PDGFC: variants seen among roughly 807,000 people sequenced by gnomAD.
PDGFC encodes the protein platelet derived growth factor C.
Under a neutral mutation model 35.5 loss-of-function variants are expected in PDGFC, and 12 were observed. That is an observed-to-expected ratio of 0.34 (90% confidence interval 0.22 to 0.55). The LOEUF (loss-of-function observed/expected upper bound fraction) is 0.55, where lower values mean the gene tolerates loss of function less well. Among genes scored for constraint, PDGFC ranks in the 20% least tolerant of loss-of-function variants. PDGFC has a pLI of 0.91. For missense variants in PDGFC, 322 were observed against 412.4 expected (o/e 0.78, Z 1.90); for synonymous variants, 159 against 148.8 (o/e 1.07, Z -0.50).
chr4:156,863,925 T>C (rs1729775003), intron 1 of PDGFC, among the ~76,000 whole-genome samples: 1 of 152,156 alleles, frequency 6.6e-6, no homozygotes, highest in Non-Finnish European at 1.5e-5. Flanking sequence ...GATTACTTAG[T>C]TTTTAAAGTA....
At chr4:156,958,719 T>A (rs1272728164) in intron 1 of PDGFC, among the ~76,000 whole-genome samples, 1 of 152,092 alleles carries the variant, frequency 6.6e-6, no homozygotes, top group Non-Finnish European at 1.5e-5. Context: ...TTTTTATACA[T>A]CCACCCACCC....
At chr4:156,832,739 G>A (rs967511256) in intron 2 of PDGFC, among the ~76,000 whole-genome samples, 1 of 152,198 alleles carries the variant, frequency 6.6e-6, no homozygotes, top group Non-Finnish European at 1.5e-5. Context: ...AACTTGCAAA[G>A]TACAGTATTT....
rs1012102090 is a variant in PDGFC, at chr4:156,762,383, G to A, written c.*707C>T. The A allele has an allele frequency of 1.3e-5, 2 of 152,514 alleles. No homozygotes were observed. Among genetic ancestry groups the A allele is most frequent in the African/African-American group, 4.8e-5 (2 of 41,414 alleles). 9.4% of individuals were successfully genotyped at this position (152,514 alleles called of 1,614,324 possible). A position where few individuals can be genotyped will look rare whatever the true frequency, so the allele number is the denominator to read the frequency against. On this transcript the variant is annotated 3_prime_UTR_variant, in exon 6 of 6. Transcript: ENST00000502773. Reference sequence around the variant, plus strand: ...AGGAGAATATAAAAATGTACACAATGAAACAAATAAACTGACTTATCGATA... The same window carrying A: ...AGGAGAATATAAAAATGTACACAATAAAACAAATAAACTGACTTATCGATA...
chr4:156,932,714 G>A (rs1731580634), intron 1 of PDGFC, among the ~76,000 whole-genome samples: 1 of 140,320 alleles, frequency 7.1e-6, no homozygotes, highest in Admixed American at 7.6e-5. Flanking sequence ...CACGGACACA[G>A]GAAGGGGAAC....
At chr4:156,783,985 A>T (rs1008264967) in intron 3 of PDGFC, among the ~76,000 whole-genome samples, 11 of 152,178 alleles carry the variant, frequency 7.2e-5, no homozygotes, top group Non-Finnish European at 4.4e-5. Flanking sequence ...CAGTGACATA[A>T]CTATGTAATA....
intron 1 of PDGFC, among the ~76,000 whole-genome samples, chr4:156,957,690 T>C (rs1732244976): frequency 6.6e-6 from 1 of 152,018 alleles, no homozygotes; most frequent in African/African-American, 2.4e-5. Flanking sequence ...GCTGCCTGCA[T>C]AGCTGGGATG....
At chr4:156,834,454 T>C (rs1299429660) in intron 2 of PDGFC, among the ~76,000 whole-genome samples, 1 of 152,126 alleles carries the variant, frequency 6.6e-6, no homozygotes. Flanking sequence ...AGCAATAAAT[T>C]ATGACTGGTT....
chr4:156,952,677 T>C (rs141438122), intron 1 of PDGFC, among the ~76,000 whole-genome samples: 6 of 152,010 alleles, frequency 3.9e-5, no homozygotes, highest in Admixed American at 6.6e-5. Flanking sequence ...ATTTAACAAA[T>C]TGATCTACTA....
chr4:156,933,201 G>A (rs1731594940), intron 1 of PDGFC, among the ~76,000 whole-genome samples: 1 of 152,192 alleles, frequency 6.6e-6, no homozygotes, highest in Non-Finnish European at 1.5e-5. Context: ...TTAGCTGTAT[G>A]TTCTTGTCAT....
At chr4:156,928,593 G>A (rs1265712395) in intron 1 of PDGFC, among the ~76,000 whole-genome samples, 6 of 152,112 alleles carry the variant, frequency 3.9e-5, no homozygotes, top group Admixed American at 1.3e-4. Flanking sequence ...GGAGGAGACT[G>A]GAAGATGCAT....
intron 1 of PDGFC, among the ~76,000 whole-genome samples, chr4:156,964,940 A>G (rs1732430802): frequency 1.3e-5 from 2 of 152,168 alleles, no homozygotes; most frequent in African/African-American, 2.4e-5. Context: ...TCTATGCAAC[A>G]TTTTCAAGAG....
intron 1 of PDGFC, among the ~76,000 whole-genome samples, chr4:156,866,225 C>T (rs1023716661): frequency 8.6e-5 from 13 of 152,016 alleles, no homozygotes; most frequent in Non-Finnish European, 1.6e-4. Context: ...TTTGTCCTTG[C>T]GATAGTTTGC....
In PDGFC at chr4:156,787,529, C is replaced by A. The variant is rs529040704; in HGVS notation, c.496-14636G>T. Among the ~76,000 whole-genome samples the A allele has an allele frequency of 7.2e-5, 11 of 152,214 alleles. No homozygotes were observed. In the South Asian group the frequency reaches 2.3e-3, roughly 32 times the overall value. On this transcript the variant is annotated intron_variant, in intron 3 of 5. Transcript: ENST00000502773. ...GAGCAGTTGCTGAGAAGAGAGGAGA[C>A]AACATGCGTGGTAGCTGGATGACGA...
In PDGFC at chr4:156,763,141, C is replaced by T. The variant is rs1424452455; in HGVS notation, c.987G>A (p.Leu329=). The change falls in exon 6 of 6, where the codon CTG becomes CTA. Residue 329 remains leucine (L), a synonymous_variant. Transcript: ENST00000502773. ...GLHKSLTDVA[L]EHHEECDCVC... ...CACAGTCACACTCCTCATGGTGCTC[C>T]AGGGCCACGTCGGTGAGTGATTTGT... 4 of 1,613,324 alleles carry T rather than the reference C, an allele frequency of 2.5e-6. No homozygotes were observed. The highest frequency in any genetic ancestry group is 3.3e-5 in the Admixed American group (2 of 60,008).
At chr4:156,905,247 CT>C (rs1349394132) in intron 1 of PDGFC, among the ~76,000 whole-genome samples, 1 of 152,036 alleles carries the variant, frequency 6.6e-6, no homozygotes, top group Non-Finnish European at 1.5e-5. Context: ...GTTTGGCAAT[CT>C]GAGAGCACCT....
intron 1 of PDGFC, among the ~76,000 whole-genome samples, chr4:156,932,584 A>T (rs886510245): frequency 6.6e-6 from 1 of 152,068 alleles, no homozygotes; most frequent in Non-Finnish European, 1.5e-5. Flanking sequence ...TGATGAGTTC[A>T]TGTCCTTTGT....
intron 2 of PDGFC, among the ~76,000 whole-genome samples, chr4:156,830,223 A>T (rs1299237411): frequency 6.6e-6 from 1 of 151,964 alleles, no homozygotes; most frequent in East Asian, 1.9e-4. Context: ...TTCTAAAAAT[A>T]AGCTCTTTGA....
At chr4:156,886,473 T>C (rs6818734) in intron 1 of PDGFC, among the ~76,000 whole-genome samples, 10,649 of 152,288 alleles carry the variant, frequency 0.07, 1,224 homozygotes, top group African/African-American at 0.24. Context: ...ATATTCTGAA[T>C]TGCTATTTGG....
intron 3 of PDGFC, among the ~76,000 whole-genome samples, chr4:156,792,950 T>C (rs1483815125): frequency 6.6e-6 from 1 of 152,148 alleles, no homozygotes; most frequent in Non-Finnish European, 1.5e-5. Context: ...AGATGGACTC[T>C]GGAGTGTTGA....
Sources: allele counts gnomAD v4.1 joint callset (sites outside exome capture counted in the v4.1 genomes callset), GRCh38; gene constraint gnomAD v4.1.1; transcripts MANE v1.5; gene names NCBI Gene and HGNC (gene_info 2026-07-23, HGNC 2026-07-21).